Variants in ADK observed in about 807,000 individuals in gnomAD.
ADK encodes the protein N6,N6-dimethyladenosine kinase.
A neutral mutation model predicts 44.7 loss-of-function variants in ADK; 24 were observed. The ratio of observed to expected loss-of-function variants is 0.54; its 90% CI spans 0.39 to 0.76. The LOEUF (loss-of-function observed/expected upper bound fraction) is 0.76. Ranked by LOEUF, ADK falls within the 30% of genes least tolerant of loss-of-function variation. The pLI is 0.00. For missense variants in ADK, 321 were observed against 425.1 expected (o/e 0.76, Z 2.15); for synonymous variants, 128 against 142.6 (o/e 0.90, Z 0.73).
At chr10:74,628,931 C>T (rs1006402653) in intron 9 of ADK, among the ~76,000 whole-genome samples, 21 of 152,090 alleles carry the variant, frequency 1.4e-4, no homozygotes, top group Non-Finnish European at 1.5e-5. Flanking sequence ...CATTCCAGTT[C>T]CTAGGATTAG....
chr10:74,254,714 T>A (rs1845762774), intron 3 of ADK, among the ~76,000 whole-genome samples: 1 of 152,210 alleles, frequency 6.6e-6, no homozygotes, highest in South Asian at 2.1e-4. Context: ...CAAAGAGCTC[T>A]GTGTTTAAAA....
intron 3 of ADK, among the ~76,000 whole-genome samples, chr10:74,266,367 G>A (rs112964076): frequency 0.021 from 3,134 of 152,162 alleles, 41 homozygotes; most frequent in Non-Finnish European, 0.031. Flanking sequence ...GACCAGCCCG[G>A]CCAACATGAT....
At chr10:74,248,718 A>T (rs1479361222) in intron 3 of ADK, among the ~76,000 whole-genome samples, 1 of 152,200 alleles carries the variant, frequency 6.6e-6, no homozygotes, top group African/African-American at 2.4e-5. Flanking sequence ...CAAGTATAAA[A>T]AGGCAGTTGG....
chr10:74,164,713 C>T (rs1213960089), intron 1 of ADK, among the ~76,000 whole-genome samples: 1 of 151,988 alleles, frequency 6.6e-6, no homozygotes, highest in African/African-American at 2.4e-5. Context: ...GCCTAGTTTC[C>T]TCTGGAGGAC....
At position 74,708,328 on chromosome 10, in the gene ADK, G is replaced by A; in HGVS notation, c.972G>A (p.Leu324=). The A allele has an allele frequency of 1.2e-6, 2 of 1,609,924 alleles. No individual in the cohort carries two copies. Among genetic ancestry groups the A allele is most frequent in the Non-Finnish European group, 1.7e-6 (2 of 1,178,646 alleles). Reference sequence around the variant, plus strand: ...TTTTTGCCTGTGTTCTAGGTTTTCTGTCTCAACTGGTCTCTGACAAGCCTC... The same window carrying A: ...TTTTTGCCTGTGTTCTAGGTTTTCTATCTCAACTGGTCTCTGACAAGCCTC... ...GAGDAFVGGF[L]SQLVSDKPLT... is the part of the protein sequence containing the mutation. Residue 324 remains leucine (L), a synonymous_variant, in exon 11 of 11, where the codon CTG becomes CTA. Coordinates refer to ENST00000539909, the MANE Select transcript of ADK (RefSeq NM_006721.4).
At chr10:74,229,459 G>A (rs778156306) in intron 3 of ADK, among the ~76,000 whole-genome samples, 3 of 148,124 alleles carry the variant, frequency 2.0e-5, no homozygotes, top group Non-Finnish European at 3.0e-5. Context: ...GTGCAGTGGC[G>A]TGATCTCGGC....
chr10:74,438,232 CT>C (rs796123870), intron 6 of ADK, among the ~76,000 whole-genome samples: 187 of 142,544 alleles, frequency 1.3e-3, no homozygotes, highest in Admixed American at 1.6e-3. Context: ...CTCTCTCTCT[CT>C]TTTTTTTTTT....
chr10:74,618,265 G>A (rs1278684387), intron 9 of ADK, among the ~76,000 whole-genome samples: 1 of 151,340 alleles, frequency 6.6e-6, no homozygotes, highest in Non-Finnish European at 1.5e-5. Context: ...CTTTCCTGCT[G>A]TTTTTGGATT....
chr10:74,699,371 C>T (rs1283357592), intron 10 of ADK, among the ~76,000 whole-genome samples: 1 of 151,296 alleles, frequency 6.6e-6, no homozygotes, highest in Non-Finnish European at 1.5e-5. Context: ...ACTTAAAATG[C>T]AGGGAACTTT....
chr10:74,350,486 A>G (rs1841927822), intron 4 of ADK, among the ~76,000 whole-genome samples: 1 of 152,244 alleles, frequency 6.6e-6, no homozygotes, highest in Non-Finnish European at 1.5e-5. Context: ...TCAACACCCC[A>G]ACATCACAAT....
At chr10:74,424,187 C>T (rs1461841051) in intron 6 of ADK, among the ~76,000 whole-genome samples, 2 of 152,086 alleles carry the variant, frequency 1.3e-5, no homozygotes, top group Admixed American at 6.5e-5. Flanking sequence ...GTGGTATCTC[C>T]ATATAAAAAT....
chr10:74,600,446 G>A lies in ADK; in HGVS notation c.830G>A (p.Arg277Gln), dbSNP rs562751709. The change falls in exon 9 of 11, where the codon CGA becomes CAA. Residue 277 changes from arginine (R) to glutamine (Q), a missense_variant. Arg to Gln is a conservative substitution (Grantham distance 43, BLOSUM62 1). Coordinates refer to ENST00000539909, the MANE Select transcript of ADK (RefSeq NM_006721.4). ...CCAAAGATGAACTCAAAGAGGCAGC[G>A]AATCGTGATCTTCACCCAAGGGAGA... ...ALPKMNSKRQ[R>Q]IVIFTQGRDD... is the part of the protein sequence containing the mutation. 6.2e-6 allele frequency: 10 copies of A among 1,611,260 alleles called. No homozygotes were observed. Among genetic ancestry groups the A allele is most frequent in the East Asian group, 4.5e-5 (2 of 44,626 alleles).
At chr10:74,230,046 CTTTT>C (rs5786138) in intron 3 of ADK, among the ~76,000 whole-genome samples, 7 of 116,208 alleles carry the variant, frequency 6.0e-5, no homozygotes, top group African/African-American at 9.6e-5. Context: ...TTAAAAGAAT[CTTTT>C]TTTTTTTTTT....
At chr10:74,196,278 A>G (rs1211618443) in intron 1 of ADK, among the ~76,000 whole-genome samples, 1 of 150,996 alleles carries the variant, frequency 6.6e-6, no homozygotes, top group African/African-American at 2.4e-5. Context: ...GCGGTGGCTC[A>G]CACCTGTAAT....
At chr10:74,365,671 C>A (rs1354093134) in intron 4 of ADK, among the ~76,000 whole-genome samples, 1 of 152,106 alleles carries the variant, frequency 6.6e-6, no homozygotes, top group South Asian at 2.1e-4. Flanking sequence ...CCCTTTATTT[C>A]TTTGTCTTAC....
At chr10:74,479,837 ACTT>A (rs1589153085) in intron 6 of ADK, among the ~76,000 whole-genome samples, 1 of 151,698 alleles carries the variant, frequency 6.6e-6, no homozygotes. Context: ...TTTTTCTCTC[ACTT>A]CTTTGTTTTA....
At chr10:74,336,382 G>A (rs1457929959) in intron 4 of ADK, among the ~76,000 whole-genome samples, 1 of 151,904 alleles carries the variant, frequency 6.6e-6, no homozygotes, top group African/African-American at 2.4e-5. Context: ...TGATCTATAT[G>A]TCTCTTCTTT....
intron 6 of ADK, among the ~76,000 whole-genome samples, chr10:74,400,275 G>T (rs1201899119): frequency 1.3e-5 from 2 of 152,114 alleles, no homozygotes; most frequent in Non-Finnish European, 2.9e-5. Context: ...TGTTTCAGCA[G>T]TTTCATAAAA....
intron 6 of ADK, chr10:74,517,032 C>A (rs1345214281): frequency 6.6e-6 from 1 of 152,248 alleles, no homozygotes; most frequent in Non-Finnish European, 1.5e-5. Context: ...TTCACTACCA[C>A]GAGAACAGCA....
Sources: gnomAD v4.1 joint callset for allele counts (sites outside exome capture counted in the v4.1 genomes callset) on GRCh38, gnomAD v4.1.1 for gene constraint, MANE v1.5 for transcripts, NCBI Gene and HGNC (gene_info 2026-07-23, HGNC 2026-07-21) for gene names.